The following OR6N1 variants were observed in gnomAD, a reference collection of about 807,000 sequenced individuals.
The protein encoded by OR6N1 is olfactory receptor family 6 subfamily N member 1.
For synonymous variants in OR6N1, 170 were observed against 150.7 expected, an observed-to-expected ratio of 1.13 and a Z score of -0.94; for missense variants, 394 against 371.7, an observed-to-expected ratio of 1.06 and a Z score of -0.49.
At chr1:158,798,354 T>C in the OR6N1 span, among the ~76,000 whole-genome samples, 12 of 151,630 alleles carry the variant, frequency 7.9e-5, no homozygotes, top group African/African-American at 2.7e-4. Flanking sequence ...ACTTTTTAAA[T>C]AATATTAAAT....
chr1:158,769,580 A>T (rs998540977), intron 1 of OR6N1, among the ~76,000 whole-genome samples: 2 of 152,206 alleles, frequency 1.3e-5, no homozygotes, highest in Admixed American at 1.3e-4. Context: ...AGAGTTATGA[A>T]AGACACCGAG....
chr1:158,774,542 A>G (rs1397509234), upstream of OR6N1: 1 of 152,220 alleles, frequency 6.6e-6, no homozygotes, highest in Non-Finnish European at 1.5e-5. Context: ...TAGTCTTTGG[A>G]AAACAGTTAG....
chr1:158,839,414 T>C, the OR6N1 span, among the ~76,000 whole-genome samples: 2 of 152,188 alleles, frequency 1.3e-5, no homozygotes, highest in African/African-American at 4.8e-5. Flanking sequence ...TGTATTCCTC[T>C]ATCCATAATC....
the OR6N1 span, among the ~76,000 whole-genome samples, chr1:158,834,231 A>G: frequency 7.7e-6 from 1 of 130,254 alleles, no homozygotes; most frequent in East Asian, 2.2e-4. Context: ...TCCTTTATCA[A>G]TTTTTTTTTT....
the OR6N1 span, among the ~76,000 whole-genome samples, chr1:158,834,803 A>G: frequency 6.6e-6 from 1 of 152,294 alleles, no homozygotes; most frequent in Non-Finnish European, 1.5e-5. Flanking sequence ...CATTTTGTAT[A>G]TGATGTAGGT....
chr1:158,809,634 G>A, the OR6N1 span, among the ~76,000 whole-genome samples: 2 of 152,026 alleles, frequency 1.3e-5, no homozygotes, highest in East Asian at 3.9e-4. Flanking sequence ...TCCAATAACA[G>A]GAGAGCTAGA....
chr1:158,810,231 T>A, the OR6N1 span, among the ~76,000 whole-genome samples: 1 of 152,146 alleles, frequency 6.6e-6, no homozygotes, highest in Non-Finnish European at 1.5e-5. Context: ...CTAATAAGCC[T>A]CATTCAGGAA....
chr1:158,828,466 T>C, the OR6N1 span, among the ~76,000 whole-genome samples: 1 of 152,110 alleles, frequency 6.6e-6, no homozygotes, highest in Non-Finnish European at 1.5e-5. Context: ...GGCAGTCAAA[T>C]CTTAAAGCTT....
chr1:158,791,815 T>C, the OR6N1 span, among the ~76,000 whole-genome samples: 1 of 152,212 alleles, frequency 6.6e-6, no homozygotes, highest in East Asian at 1.9e-4. Flanking sequence ...TGGCCTATCA[T>C]ATAGTCTAGC....
the OR6N1 span, among the ~76,000 whole-genome samples, chr1:158,828,580 C>T: frequency 2.6e-5 from 4 of 152,218 alleles, no homozygotes; most frequent in African/African-American, 7.2e-5. Flanking sequence ...TTGCAGGGAA[C>T]AGCCTCCCTC....
chr1:158,810,809 G>T, the OR6N1 span, among the ~76,000 whole-genome samples: 1 of 152,168 alleles, frequency 6.6e-6, no homozygotes, highest in Non-Finnish European at 1.5e-5. Flanking sequence ...CAAATGACCA[G>T]AAAGGAGTAA....
chr1:158,790,572 T>G, the OR6N1 span, among the ~76,000 whole-genome samples: 3 of 151,836 alleles, frequency 2.0e-5, no homozygotes, highest in Admixed American at 6.6e-5. Context: ...GCCTGGCTAA[T>G]TTTTTGTATT....
At chr1:158,787,637 A>T in the OR6N1 span, among the ~76,000 whole-genome samples, 22,029 of 83,448 alleles carry the variant, frequency 0.26, 2,188 homozygotes, top group African/African-American at 0.5. Context: ...TCTCTCTCTC[A>T]CACACACACA....
upstream of OR6N1, chr1:158,777,157 A>T: frequency 6.2e-7 from 1 of 1,614,114 alleles, no homozygotes; most frequent in South Asian, 1.1e-5. Context: ...GGCAAGGATG[A>T]CCTCAGAAAT....
At chr1:158,821,919 C>T in the OR6N1 span, among the ~76,000 whole-genome samples, 4 of 152,190 alleles carry the variant, frequency 2.6e-5, no homozygotes, top group Non-Finnish European at 5.9e-5. Flanking sequence ...TTCCGTTACT[C>T]CACATCATCA....
At position 158,764,745 on chromosome 1, in the gene OR6N1, CTTACAA is replaced by C. The variant is rs1657199265; in HGVS notation, c.*993_*998del. ...TTCACACGTTTCAGGAAATAATTAG[CTTACAA>C]TTCAATAAAGAAATGGTTCGATGTA... On this transcript the variant is annotated 3_prime_UTR_variant, in exon 2 of 2. Transcript: ENST00000641846. 6.6e-6 allele frequency: 1 copy of C among 152,036 alleles called. No individual in the cohort carries two copies. The highest frequency in any genetic ancestry group is 3.2e-3 in the Middle Eastern group (1 of 316). 9.4% of individuals were successfully genotyped at this position (152,036 alleles called of 1,614,324 possible).
At chr1:158,816,870 G>C in the OR6N1 span, among the ~76,000 whole-genome samples, 11 of 152,332 alleles carry the variant, frequency 7.2e-5, no homozygotes, top group African/African-American at 2.6e-4. Context: ...AACTCCCTAA[G>C]ATGGAAGGGA....
chr1:158,771,684 C>G lies in OR6N1; in HGVS notation c.-19+337G>C, dbSNP rs113393900. Among the ~76,000 whole-genome samples the G allele has an allele frequency of 3.2e-3, 490 of 152,218 alleles. 3 individuals carry two copies. Among genetic ancestry groups the G allele is most frequent in the African/African-American group, 0.011 (462 of 41,536 alleles). ...AGATCTGGGGGTAAGAAGGGAGATG[C>G]AATTTTAGAGATTATCACACTCAAC... On this transcript the variant is annotated intron_variant, in intron 1 of 1. Coordinates refer to ENST00000641846, the MANE Select transcript of OR6N1 (RefSeq NM_001005185.2).
At chr1:158,839,680 G>A in the OR6N1 span, among the ~76,000 whole-genome samples, 669 of 152,204 alleles carry the variant, frequency 4.4e-3, 3 homozygotes, top group African/African-American at 0.015. Flanking sequence ...TCCTGATCAC[G>A]TCACACCATT....
Sources: allele counts gnomAD v4.1 joint callset (sites outside exome capture counted in the v4.1 genomes callset), GRCh38; gene constraint gnomAD v4.1.1; transcripts MANE v1.5; gene names NCBI Gene and HGNC (gene_info 2026-07-23, HGNC 2026-07-21).